EYS: variants seen among roughly 807,000 people sequenced by gnomAD.
EYS encodes protein eyes shut homolog.
In EYS, 250 loss-of-function variants were observed where a neutral mutation model predicts 282.1. That is an observed-to-expected ratio of 0.89 (90% CI 0.80 to 0.98). EYS has a LOEUF of 0.98. EYS is among the 50% of genes least tolerant of loss of function. The pLI is 0.00. For synonymous variants in EYS, 1,355 were observed against 1,282.9 expected, an observed-to-expected ratio of 1.06 and a Z score of -1.20; for missense variants, 4,016 against 3,709.0, an observed-to-expected ratio of 1.08 and a Z score of -2.15.
intron 31 of EYS, among the ~76,000 whole-genome samples, chr6:64,181,057 G>T (rs1764775085): frequency 6.6e-6 from 1 of 152,052 alleles, no homozygotes; most frequent in Admixed American, 6.6e-5. Flanking sequence ...TGCTGTATTT[G>T]GTTTTCTGCT....
chr6:64,824,829 T>C (rs1765002999), intron 19 of EYS, among the ~76,000 whole-genome samples: 1 of 151,898 alleles, frequency 6.6e-6, no homozygotes, highest in Non-Finnish European at 1.5e-5. Flanking sequence ...ATCAAGATTA[T>C]CTTAGGATCT....
chr6:64,985,900 C>T (rs1042683412), intron 14 of EYS, among the ~76,000 whole-genome samples: 2 of 151,396 alleles, frequency 1.3e-5, no homozygotes, highest in African/African-American at 4.8e-5. Context: ...CCTGTTCTGC[C>T]ACAACTGTCC....
chr6:64,059,811 G>C (rs985861485), intron 33 of EYS, among the ~76,000 whole-genome samples: 1 of 152,100 alleles, frequency 6.6e-6, no homozygotes, highest in Non-Finnish European at 1.5e-5. Context: ...GTACAGACAG[G>C]CTATGCATGG....
chr6:65,199,069 C>A (rs1242488928), intron 12 of EYS, among the ~76,000 whole-genome samples: 1 of 151,994 alleles, frequency 6.6e-6, no homozygotes, highest in Non-Finnish European at 1.5e-5. Flanking sequence ...ATCCAGTAGT[C>A]CCGTCAAGTA....
chr6:65,060,411 A>G (rs1267099965), intron 12 of EYS, among the ~76,000 whole-genome samples: 2 of 152,034 alleles, frequency 1.3e-5, no homozygotes, highest in Non-Finnish European at 2.9e-5. Context: ...CTTTAAATTC[A>G]TCCCCTAAAG....
chr6:63,959,213 A>C (rs1305299564), intron 35 of EYS, among the ~76,000 whole-genome samples: 1 of 152,228 alleles, frequency 6.6e-6, no homozygotes, highest in Non-Finnish European at 1.5e-5. Context: ...GGATATGAAC[A>C]GACAACTCTC....
intron 28 of EYS, among the ~76,000 whole-genome samples, chr6:64,433,736 A>G (rs1159878082): frequency 6.6e-6 from 1 of 152,042 alleles, no homozygotes; most frequent in South Asian, 2.1e-4. Context: ...AAAAATATGT[A>G]TTCTTGGGAT....
intron 2 of EYS, among the ~76,000 whole-genome samples, chr6:65,616,009 GAC>G (rs1177272311): frequency 2.0e-5 from 3 of 151,684 alleles, no homozygotes; most frequent in African/African-American, 7.3e-5. Flanking sequence ...TGAACTTCTT[GAC>G]ACAAAATTGT....
At chr6:64,391,385 A>G (rs1177838900) in intron 28 of EYS, among the ~76,000 whole-genome samples, 1 of 152,044 alleles carries the variant, frequency 6.6e-6, no homozygotes, top group Admixed American at 6.6e-5. Flanking sequence ...GAAAGGTCGG[A>G]TTACCCTCCA....
chr6:65,078,368 C>A (rs1185022186), intron 12 of EYS, among the ~76,000 whole-genome samples: 1 of 152,074 alleles, frequency 6.6e-6, no homozygotes, highest in South Asian at 2.1e-4. Context: ...CTATGCCCTG[C>A]AGTTCAATTG....
chr6:65,027,701 A>C (rs1449626874), intron 13 of EYS, among the ~76,000 whole-genome samples: 2 of 152,168 alleles, frequency 1.3e-5, no homozygotes, highest in African/African-American at 4.8e-5. Flanking sequence ...AAGAAAATGC[A>C]CTTAAGACTT....
At chr6:64,952,533 C>T (rs777503211) in intron 14 of EYS, among the ~76,000 whole-genome samples, 1 of 151,978 alleles carries the variant, frequency 6.6e-6, no homozygotes. Context: ...TAAACTACTT[C>T]TCAGTCTCTG....
intron 5 of EYS, among the ~76,000 whole-genome samples, chr6:65,410,822 A>C (rs1354759032): frequency 2.0e-5 from 3 of 151,986 alleles, no homozygotes; most frequent in Non-Finnish European, 2.9e-5. Flanking sequence ...AAGAATGGAT[A>C]AAGAAAATGT....
At chr6:64,364,488 A>G (rs1233304547) in intron 29 of EYS, among the ~76,000 whole-genome samples, 1 of 151,962 alleles carries the variant, frequency 6.6e-6, no homozygotes, top group Non-Finnish European at 1.5e-5. Flanking sequence ...TAAACGTAGG[A>G]GAATAAAAAA....
chr6:64,380,506 G>A (rs903999782), intron 29 of EYS, among the ~76,000 whole-genome samples: 8 of 152,028 alleles, frequency 5.3e-5, no homozygotes, highest in African/African-American at 1.7e-4. Context: ...CACTTTATGT[G>A]AAATATAAAC....
intron 12 of EYS, among the ~76,000 whole-genome samples, chr6:65,060,333 G>T (rs998274364): frequency 1.3e-5 from 2 of 150,856 alleles, no homozygotes; most frequent in Non-Finnish European, 2.9e-5. Context: ...AACACAATAC[G>T]TATACACCCA....
At chr6:65,519,829 A>T (rs963545632) in intron 2 of EYS, among the ~76,000 whole-genome samples, 2 of 142,408 alleles carry the variant, frequency 1.4e-5, no homozygotes, top group African/African-American at 5.2e-5. Flanking sequence ...TGATCCTCCC[A>T]CCTCAACCTC....
chr6:65,456,488 T>C (rs1437384242), intron 5 of EYS, among the ~76,000 whole-genome samples: 1 of 151,792 alleles, frequency 6.6e-6, no homozygotes, highest in African/African-American at 2.4e-5. Context: ...TTAATACAAT[T>C]CAGTTTTAAT....
intron 31 of EYS, among the ~76,000 whole-genome samples, chr6:64,099,926 T>G (rs1772767566): frequency 6.6e-6 from 1 of 152,220 alleles, no homozygotes. Flanking sequence ...TTTATATAGA[T>G]AATCTTTTCC....
Sources: gnomAD v4.1 joint callset for allele counts (sites outside exome capture counted in the v4.1 genomes callset) on GRCh38, gnomAD v4.1.1 for gene constraint, MANE v1.5 for transcripts, NCBI Gene and HGNC (gene_info 2026-07-23, HGNC 2026-07-21) for gene names.